The following PDE11A variants were observed in gnomAD, a reference collection of about 807,000 sequenced individuals.
PDE11A encodes the protein dual 3',5'-cyclic-AMP and -GMP phosphodiesterase 11A.
PDE11A carries 100 observed loss-of-function variants against 100.5 expected under a neutral mutation model. The observed-to-expected ratio is 1.00, with a 90% CI of 0.85 to 1.18. The LOEUF (loss-of-function observed/expected upper bound fraction) is 1.18, where lower values mean the gene tolerates loss of function less well. PDE11A is among the 50% of genes most tolerant of loss of function. The pLI is 0.00. For missense variants in PDE11A, 1,141 were observed against 1,152.6 expected (o/e 0.99, Z 0.15); for synonymous variants, 381 against 420.8 (o/e 0.91, Z 1.16).
At chr2:177,998,158 T>C (rs1380210423) in intron 2 of PDE11A, 11 of 982,676 alleles carry the variant, frequency 1.1e-5, no homozygotes, top group Non-Finnish European at 1.7e-5. Context: ...ACTTACTGTC[T>C]GTAAGCTTTT....
rs546689149 is a variant in PDE11A, at chr2:177,666,022, A to G, written c.2563-2073T>C. On this transcript the variant is annotated intron_variant, in intron 18 of 19. Transcript: ENST00000286063. ...AAGTTGAGCAACTATCACTACAATT[A>G]TAGAACATTATTATCATCCTCAAAG... Among the ~76,000 whole-genome samples the G allele has an allele frequency of 2.0e-5, 3 of 152,300 alleles. No individual in the cohort carries two copies. The South Asian group carries it at 6.2e-4, about 32-fold the overall frequency.
intron 1 of PDE11A, among the ~76,000 whole-genome samples, chr2:178,033,275 T>C (rs2086571320): frequency 1.3e-5 from 2 of 151,934 alleles, no homozygotes; most frequent in African/African-American, 4.8e-5. Flanking sequence ...ACAACCAAAT[T>C]TATCAAGTGG....
intron 9 of PDE11A, among the ~76,000 whole-genome samples, chr2:177,787,772 A>C (rs2082560005): frequency 6.6e-6 from 1 of 152,084 alleles, no homozygotes; most frequent in South Asian, 2.1e-4. Context: ...AAACCAACAA[A>C]GATCAAAAGC....
intron 10 of PDE11A, among the ~76,000 whole-genome samples, chr2:177,729,789 T>C (rs1481664143): frequency 6.6e-6 from 1 of 152,196 alleles, no homozygotes; most frequent in Non-Finnish European, 1.5e-5. Context: ...CATACAAATG[T>C]GCCTTGGTGT....
chr2:178,054,106 A>T (rs1465599139), intron 1 of PDE11A, among the ~76,000 whole-genome samples: 1 of 152,236 alleles, frequency 6.6e-6, no homozygotes, highest in Non-Finnish European at 1.5e-5. Flanking sequence ...CTGTACTACA[A>T]GGCTACAGGA....
rs1486652068 is a variant in PDE11A at position 177,629,275 on chromosome 2, C to T, written c.*132G>A. The T allele has an allele frequency of 3.6e-6, 3 of 842,224 alleles. No individual in the cohort carries two copies. The highest frequency in any genetic ancestry group is 4.1e-6 in the Non-Finnish European group (2 of 488,290). 52.2% of individuals were successfully genotyped at this position (842,224 alleles called of 1,614,324 possible). A position where few individuals can be genotyped will look rare whatever the true frequency, so the allele number is the denominator to read the frequency against. On this transcript the variant is annotated 3_prime_UTR_variant, in exon 20 of 20. Transcript: ENST00000286063. ...GCTGACCATGCTTCAAGGTGAAAGC[C>T]CAGGCATGCTTCCCAGTGCATCCTT...
intron 2 of PDE11A, among the ~76,000 whole-genome samples, chr2:177,916,921 C>A (rs868524493): frequency 2.3e-5 from 3 of 130,066 alleles, no homozygotes; most frequent in African/African-American, 3.2e-5. Context: ...CCACCACGCC[C>A]GGCTAATTTT....
At chr2:177,863,751 T>C (rs1274590364) in intron 5 of PDE11A, among the ~76,000 whole-genome samples, 2 of 152,002 alleles carry the variant, frequency 1.3e-5, no homozygotes, top group African/African-American at 4.8e-5. Context: ...GGAATATAGA[T>C]TGGTACAACT....
At chr2:177,966,856 A>G (rs1328832517) in intron 2 of PDE11A, among the ~76,000 whole-genome samples, 1 of 152,120 alleles carries the variant, frequency 6.6e-6, no homozygotes, top group Non-Finnish European at 1.5e-5. Flanking sequence ...TAACAGAATG[A>G]CACTGGCCTC....
intron 2 of PDE11A, among the ~76,000 whole-genome samples, chr2:177,940,803 T>G (rs1345301622): frequency 6.6e-6 from 1 of 152,182 alleles, no homozygotes; most frequent in East Asian, 1.9e-4. Flanking sequence ...CGTGAGTCTC[T>G]TAGTAGGACA....
intron 2 of PDE11A, among the ~76,000 whole-genome samples, chr2:177,943,370 C>G (rs1013706179): frequency 6.6e-6 from 1 of 151,810 alleles, no homozygotes; most frequent in African/African-American, 2.4e-5. Context: ...TTCTCCATAT[C>G]CCTACTAACA....
intron 18 of PDE11A, among the ~76,000 whole-genome samples, chr2:177,664,172 T>A (rs924303410): frequency 1.3e-5 from 2 of 152,234 alleles, no homozygotes; most frequent in African/African-American, 4.8e-5. Flanking sequence ...TTGAACTTTC[T>A]AGCGTGCAAC....
At chr2:178,105,756 AG>A in intron 1 of PDE11A, 1 of 1,110,930 alleles carries the variant, frequency 9.0e-7, no homozygotes, top group Non-Finnish European at 1.2e-6. Flanking sequence ...CACAGCTCTG[AG>A]CCCCTGGGCC....
chr2:178,027,399 C>T (rs539478284), intron 1 of PDE11A, among the ~76,000 whole-genome samples: 20 of 152,214 alleles, frequency 1.3e-4, no homozygotes, highest in Non-Finnish European at 2.4e-4. Context: ...GATGAAATTA[C>T]CATCTAAGAC....
intron 2 of PDE11A, among the ~76,000 whole-genome samples, chr2:178,000,049 G>A (rs2086124911): frequency 2.0e-5 from 3 of 152,156 alleles, no homozygotes; most frequent in African/African-American, 7.2e-5. Context: ...GAATATGAAA[G>A]GGGTGGGGGA....
intron 5 of PDE11A, among the ~76,000 whole-genome samples, chr2:177,873,161 CT>C (rs1466586659): frequency 6.6e-6 from 1 of 152,100 alleles, no homozygotes; most frequent in African/African-American, 2.4e-5. Flanking sequence ...AAGTATTTAA[CT>C]CTGAAGTGAC....
chr2:177,848,501 A>T (rs1259137953), intron 5 of PDE11A, among the ~76,000 whole-genome samples: 1 of 152,126 alleles, frequency 6.6e-6, no homozygotes, highest in Middle Eastern at 3.2e-3. Context: ...GGTATAAGAA[A>T]ATGTAGGTTT....
chr2:177,908,585 T>C (rs1464030384), intron 2 of PDE11A, among the ~76,000 whole-genome samples: 1 of 152,124 alleles, frequency 6.6e-6, no homozygotes, highest in Non-Finnish European at 1.5e-5. Context: ...GGCACTATGT[T>C]TTAATGAGAC....
chr2:177,660,512 A>T (rs1258563899), intron 19 of PDE11A, among the ~76,000 whole-genome samples: 5 of 152,190 alleles, frequency 3.3e-5, no homozygotes, highest in African/African-American at 1.2e-4. Flanking sequence ...GCTTTCTGTC[A>T]ATCTCAAGAT....
Sources: allele counts gnomAD v4.1 joint callset (sites outside exome capture counted in the v4.1 genomes callset), GRCh38; gene constraint gnomAD v4.1.1; transcripts MANE v1.5; gene names NCBI Gene and HGNC (gene_info 2026-07-23, HGNC 2026-07-21).